Variants in EFR3A observed in about 807,000 individuals in gnomAD.
EFR3A encodes the protein protein EFR3 homolog A.
EFR3A carries 76 observed loss-of-function variants against 104.4 expected under a neutral mutation model. The observed-to-expected ratio is 0.73, with a 90% confidence interval of 0.60 to 0.88. The LOEUF is 0.88. Among genes scored for constraint, EFR3A ranks in the 40% least tolerant of loss-of-function variants. The pLI is 0.00. For synonymous variants in EFR3A, 330 were observed against 330.0 expected (o/e 1.00, Z 0.00); for missense variants, 985 against 1,012.5 (o/e 0.97, Z 0.37).
intron 14 of EFR3A, among the ~76,000 whole-genome samples, chr8:131,983,432 A>G (rs1176044830): frequency 6.6e-6 from 1 of 152,080 alleles, no homozygotes; most frequent in Non-Finnish European, 1.5e-5. Context: ...TAATGTCGCC[A>G]TTGTGACTGG....
chr8:131,904,276 G>A lies in EFR3A; in HGVS notation c.-37G>A. Reference sequence around the variant, plus strand: ...TCGGCGCTCCCTGCGCGGCCCCGCTGAGCCTCGGTGCGGCGGCGAGCGCGG... The same window carrying A: ...TCGGCGCTCCCTGCGCGGCCCCGCTAAGCCTCGGTGCGGCGGCGAGCGCGG... On this transcript the variant is annotated 5_prime_UTR_variant, in exon 1 of 23. The change abolishes the stop of an existing upstream ORF in the 5' untranslated region. Coordinates refer to ENST00000254624, the MANE Select transcript of EFR3A (RefSeq NM_015137.6). 8.6e-6 allele frequency: 11 copies of A among 1,280,298 alleles called. No homozygotes were observed. Among genetic ancestry groups the A allele is most frequent in the Non-Finnish European group, 1.1e-5 (11 of 1,011,524 alleles). 79.3% of individuals were successfully genotyped at this position (1,280,298 alleles called of 1,614,324 possible).
At chr8:131,941,829 A>T (rs1244256207) in intron 2 of EFR3A, among the ~76,000 whole-genome samples, 1 of 152,112 alleles carries the variant, frequency 6.6e-6, no homozygotes, top group Non-Finnish European at 1.5e-5. Flanking sequence ...AGTGAGGGGA[A>T]AGAGAAAAGA....
At chr8:131,951,677 C>CA (rs1818710686) in intron 5 of EFR3A, among the ~76,000 whole-genome samples, 2 of 151,928 alleles carry the variant, frequency 1.3e-5, no homozygotes, top group Admixed American at 1.3e-4. Context: ...TTACTGCTTC[C>CA]AAAAAGAAAC....
intron 1 of EFR3A, among the ~76,000 whole-genome samples, chr8:131,929,199 T>A (rs960667895): frequency 6.6e-6 from 1 of 152,202 alleles, no homozygotes; most frequent in African/African-American, 2.4e-5. Flanking sequence ...GAGTGTATCC[T>A]CTTGTGTTCC....
At position 131,959,574 on chromosome 8, in the gene EFR3A, G is replaced by T; in HGVS notation, c.777-11G>T. 6.2e-7 allele frequency: 1 copy of T among 1,606,294 alleles called. No individual in the cohort carries two copies. On this transcript the variant is annotated splice_polypyrimidine_tract_variant and intron_variant, in intron 7 of 22. Coordinates refer to ENST00000254624, the MANE Select transcript of EFR3A (RefSeq NM_015137.6). ...AATAGAGAATTTTAAAGTAATTTTTGTTATTTGCAGGCATTTAGATCATCA... is the reference window on the plus strand; with the variant it reads ...AATAGAGAATTTTAAAGTAATTTTTTTTATTTGCAGGCATTTAGATCATCA...
At chr8:131,935,788 G>GGAT (rs1817849854) in intron 1 of EFR3A, among the ~76,000 whole-genome samples, 1 of 151,850 alleles carries the variant, frequency 6.6e-6, no homozygotes, top group Non-Finnish European at 1.5e-5. Context: ...TAGTGGTGGA[G>GGAT]ACATCAATAT....
In EFR3A at chr8:131,999,318, G is replaced by A. The variant is rs559086443; in HGVS notation, c.2158-2441G>A. Among the ~76,000 whole-genome samples, 281 of 152,178 alleles carry A rather than the reference G, an allele frequency of 1.8e-3. 2 individuals carry two copies. Among genetic ancestry groups the A allele is most frequent in the African/African-American group, 6.6e-3 (273 of 41,514 alleles). On this transcript the variant is annotated intron_variant, in intron 19 of 22. Coordinates refer to ENST00000254624, the MANE Select transcript of EFR3A (RefSeq NM_015137.6). The stretch of plus-strand genomic sequence containing the variant: ...ACTGGAGAAACTTGTGTGTATGCTA[G>A]CATCTAGTCAATATTAGTCACACTC...
At chr8:131,935,184 CTGGCACTTAT>C (rs1340466793) in intron 1 of EFR3A, among the ~76,000 whole-genome samples, 2 of 152,146 alleles carry the variant, frequency 1.3e-5, no homozygotes, top group African/African-American at 2.4e-5. Context: ...TCATATCATT[CTGGCACTTAT>C]TTAGTGTTTT....
At chr8:131,939,293 T>C (rs1818053013) in intron 1 of EFR3A, among the ~76,000 whole-genome samples, 1 of 152,120 alleles carries the variant, frequency 6.6e-6, no homozygotes, top group Non-Finnish European at 1.5e-5. Flanking sequence ...GGAGGGAGAC[T>C]GATTCACTTC....
chr8:131,954,343 G>A (rs1394265344), intron 6 of EFR3A, among the ~76,000 whole-genome samples: 1 of 151,736 alleles, frequency 6.6e-6, no homozygotes, highest in Non-Finnish European at 1.5e-5. Flanking sequence ...TTTTGCACAG[G>A]GAGTTAGAAC....
At chr8:131,990,486 G>A (rs1195731604) in intron 18 of EFR3A, among the ~76,000 whole-genome samples, 1 of 152,174 alleles carries the variant, frequency 6.6e-6, no homozygotes, top group Non-Finnish European at 1.5e-5. Context: ...GCAAGAACAG[G>A]ATTTGTTCCG....
intron 12 of EFR3A, among the ~76,000 whole-genome samples, chr8:131,978,438 A>C (rs1820425434): frequency 6.6e-6 from 1 of 152,138 alleles, no homozygotes; most frequent in African/African-American, 2.4e-5. Context: ...TGCAAACTTA[A>C]ATTTAAAATT....
chr8:131,988,250 T>C (rs1193403764), intron 18 of EFR3A, among the ~76,000 whole-genome samples: 2 of 152,096 alleles, frequency 1.3e-5, no homozygotes, highest in African/African-American at 4.8e-5. Context: ...GTGTCTTGTA[T>C]TCAACTTTTA....
intron 1 of EFR3A, among the ~76,000 whole-genome samples, chr8:131,931,374 A>G (rs1028931006): frequency 2.0e-5 from 3 of 152,140 alleles, no homozygotes; most frequent in Non-Finnish European, 4.4e-5. Flanking sequence ...ATTGTTTCTT[A>G]GAGATGTGTT....
chr8:131,926,259 A>T (rs992217533), intron 1 of EFR3A, among the ~76,000 whole-genome samples: 1 of 152,186 alleles, frequency 6.6e-6, no homozygotes, highest in East Asian at 1.9e-4. Context: ...TGGTGACTTT[A>T]AAAAACCATT....
chr8:131,948,645 T>A (rs1290915034), intron 4 of EFR3A, among the ~76,000 whole-genome samples: 1 of 152,142 alleles, frequency 6.6e-6, no homozygotes, highest in African/African-American at 2.4e-5. Context: ...TAGTATACAT[T>A]TCCGGAAATT....
intron 1 of EFR3A, among the ~76,000 whole-genome samples, chr8:131,915,461 C>G (rs1326334250): frequency 6.6e-6 from 1 of 152,162 alleles, no homozygotes; most frequent in Non-Finnish European, 1.5e-5. Context: ...TTTGGGCCTA[C>G]ATTTGTAAAG....
At chr8:131,917,630 G>A (rs536422162) in intron 1 of EFR3A, among the ~76,000 whole-genome samples, 12 of 152,268 alleles carry the variant, frequency 7.9e-5, no homozygotes, top group South Asian at 4.2e-4. Context: ...TTTGCATAGA[G>A]GTGAGATAAT....
At chr8:131,928,984 C>T (rs1391263055) in intron 1 of EFR3A, among the ~76,000 whole-genome samples, 2 of 152,030 alleles carry the variant, frequency 1.3e-5, no homozygotes, top group African/African-American at 4.8e-5. Flanking sequence ...GTTTTCTTAC[C>T]TCAGGATTCT....
Sources: allele counts gnomAD v4.1 joint callset (sites outside exome capture counted in the v4.1 genomes callset), GRCh38; gene constraint gnomAD v4.1.1; transcripts MANE v1.5; gene names NCBI Gene and HGNC (gene_info 2026-07-23, HGNC 2026-07-21).